Variants in HOXB7 observed in about 807,000 individuals in gnomAD.
The protein encoded by HOXB7 is homeobox B7, also known as homeobox protein Hox-B7.
Under a neutral mutation model 19.2 loss-of-function variants are expected in HOXB7, and 11 were observed. The observed-to-expected ratio is 0.57, with a 90% CI of 0.36 to 0.95. The LOEUF (loss-of-function observed/expected upper bound fraction) is 0.95. HOXB7 is among the 40% of genes least tolerant of loss of function. The probability of loss-of-function intolerance (pLI) is 0.01; values close to 1 mark genes in which losing one functional copy is unlikely to be tolerated. For missense variants in HOXB7, 318 were observed against 301.1 expected (o/e 1.06, Z -0.42); for synonymous variants, 141 against 130.2 (o/e 1.08, Z -0.56).
intron 1 of HOXB7, among the ~76,000 whole-genome samples, chr17:48,610,073 C>A (rs962538173): frequency 9.8e-3 from 1 of 102 alleles, no homozygotes; most frequent in Admixed American, 0.17. Flanking sequence ...CATACCTTAT[C>A]CGAGTGGGGC....
In HOXB7 at chr17:48,607,703, GT is replaced by G. The variant is rs373086048; in HGVS notation, c.*138del. On this transcript the variant is annotated 3_prime_UTR_variant, in exon 2 of 2. Coordinates refer to ENST00000239165, the MANE Select transcript of HOXB7 (RefSeq NM_004502.4). Reference sequence around the variant, plus strand: ...TTTAAACTCCTTTCATTTAAATAGGGTTTTTTTTTTGTTTTTTTTGTTTTTT... The same window carrying G: ...TTTAAACTCCTTTCATTTAAATAGGGTTTTTTTTTGTTTTTTTTGTTTTTT... 24,794 of 625,114 alleles carry G rather than the reference GT, an allele frequency of 0.04. 624 individuals are homozygous for G. Among genetic ancestry groups the G allele is most frequent in the Non-Finnish European group, 0.047 (19,304 of 411,114 alleles). 38.7% of individuals were successfully genotyped at this position (625,114 alleles called of 1,614,324 possible).
chr17:48,610,206 G>A (rs1297181393), intron 1 of HOXB7, among the ~76,000 whole-genome samples: 3 of 152,184 alleles, frequency 2.0e-5, no homozygotes, highest in African/African-American at 7.2e-5. Context: ...TCTCCAGCCC[G>A]TGCCGGCGCT....
At chr17:48,609,681 G>A (rs1224073195) in intron 1 of HOXB7, among the ~76,000 whole-genome samples, 6 of 152,176 alleles carry the variant, frequency 3.9e-5, no homozygotes, top group Non-Finnish European at 7.4e-5. Context: ...GCTCCAGAGA[G>A]TCCTAGCCCC....
intron 1 of HOXB7, 31 bp downstream of exon 1, chr17:48,610,488 G>A (rs1156893471): frequency 1.4e-6 from 2 of 1,399,660 alleles, no homozygotes; most frequent in Non-Finnish European, 9.3e-7. Flanking sequence ...CCGGCCCCTG[G>A]GGCTCAGGAC....
chr17:48,608,465 G>A (rs1390711370), intron 1 of HOXB7: 1 of 162,270 alleles, frequency 6.2e-6, no homozygotes, highest in Non-Finnish European at 1.3e-5. Flanking sequence ...CCAAGAGAGT[G>A]GCCACCTCCC....
intron 1 of HOXB7, among the ~76,000 whole-genome samples, chr17:48,609,622 G>A (rs551696159): frequency 6.6e-6 from 1 of 152,336 alleles, no homozygotes; most frequent in Non-Finnish European, 1.5e-5. Context: ...GCCTCTTGGG[G>A]TTCTGCAGCA....
Position 48,610,771 on chromosome 17 carries a change from A to C in HOXB7, c.148T>G (p.Ser50Ala). The C allele has an allele frequency of 6.3e-7, 1 of 1,599,380 alleles. No individual in the cohort carries two copies. Among genetic ancestry groups the C allele is most frequent in the Non-Finnish European group, 8.5e-7 (1 of 1,171,768 alleles). The change falls in exon 1 of 2, where the codon TCC (serine) becomes GCC (alanine). Residue 50 changes from serine (S) to alanine (A), a missense_variant. Transcript: ENST00000239165. ...RPGYGAGSGASFAASMQGLYP... is the reference protein window; with the variant it reads ...RPGYGAGSGAAFAASMQGLYP... ...AAGCCCTGCATCGAGGCGGCGAAGG[A>C]AGCGCCCGAACCCGCTCCATAGCCC...
Position 48,610,890 on chromosome 17 carries a change from A to G in HOXB7, c.29T>C (p.Leu10Ser). Residue 10 changes from leucine to serine, a missense_variant, in exon 1 of 2, where the codon TTA becomes TCA. Leu to Ser is a moderately radical substitution (Grantham distance 145). Coordinates refer to ENST00000239165, the MANE Select transcript of HOXB7 (RefSeq NM_004502.4). ...ACTTGAGGCTGGATATTTAGAAAAT[A>G]AAGTATTCGCATAATACAATGAACT... is the stretch of plus-strand genomic sequence containing the variant. MSSLYYANT[L>S]FSKYPASSSV... The G allele has an allele frequency of 6.6e-7, 1 of 1,518,390 alleles. No homozygotes were observed. Among genetic ancestry groups the G allele is most frequent in the Non-Finnish European group, 8.8e-7 (1 of 1,133,446 alleles). The allele number at this position is 1,518,390 out of a possible 1,614,324, so 94.1% of individuals were successfully genotyped here.
Position 48,607,295 on chromosome 17 carries a change from T to C in HOXB7, c.*547A>G, listed in dbSNP as rs1018668580. On this transcript the variant is annotated 3_prime_UTR_variant, in exon 2 of 2. Transcript: ENST00000239165. ...TACACACAGAATGTAAAAGGGAGCA[T>C]GGGGCTGGGGGACGGGAAGCAAGAA... The C allele has an allele frequency of 6.5e-6, 1 of 152,736 alleles. No individual in the cohort carries two copies. The highest frequency in any genetic ancestry group is 2.1e-4 in the South Asian group (1 of 4,844). The allele number at this position is 152,736 out of a possible 1,614,324, so 9.5% of individuals were successfully genotyped here. A position where few individuals can be genotyped will look rare whatever the true frequency, so the allele number is the denominator to read the frequency against.
rs1198020877 is a variant in HOXB7 at position 48,610,783 on chromosome 17, C to T, written c.136G>A (p.Gly46Ser). 6.3e-7 allele frequency: 1 copy of T among 1,599,028 alleles called. No homozygotes were observed. Among genetic ancestry groups the T allele is most frequent in the African/African-American group, 1.3e-5 (1 of 74,200 alleles). ...GAGGCGGCGAAGGAAGCGCCCGAACCCGCTCCATAGCCCGGGCGCTGGGGG... is the reference window on the plus strand; with the variant it reads ...GAGGCGGCGAAGGAAGCGCCCGAACTCGCTCCATAGCCCGGGCGCTGGGGG... ...SNPQRPGYGA[G>S]SGASFAASMQ... The change falls in exon 1 of 2, where the codon GGT becomes AGT. Residue 46 changes from glycine (G) to serine (S), a missense_variant. Physicochemically the swap from Gly to Ser is moderately conservative, Grantham distance 56. Transcript: ENST00000239165.
chr17:48,608,149 G>A, intron 1 of HOXB7, 54 bp from the exon 2 acceptor site: 1 of 1,575,592 alleles, frequency 6.3e-7, no homozygotes, highest in South Asian at 1.2e-5. Flanking sequence ...CCGGCCGGGC[G>A]CGGTGGGCTC....
In HOXB7 at chr17:48,607,953, G is replaced by C. The variant is rs1400883213; in HGVS notation, c.543C>G (p.Ile181Met). The C allele has an allele frequency of 2.5e-6, 4 of 1,614,074 alleles. No homozygotes were observed. Among genetic ancestry groups the C allele is most frequent in the Admixed American group, 1.7e-5 (1 of 60,024 alleles). Reference sequence around the variant, plus strand: ...TGCGCCGGTTCTGAAACCAAATCTTGATCTGTCTTTCCGTGAGGCAGAGCG... The same window carrying C: ...TGCGCCGGTTCTGAAACCAAATCTTCATCTGTCTTTCCGTGAGGCAGAGCG... ...AHTLCLTERQ[I>M]KIWFQNRRMK... The change falls in exon 2 of 2, where the codon ATC (isoleucine) becomes ATG (methionine). Residue 181 changes from isoleucine (I) to methionine (M), a missense_variant. Transcript: ENST00000239165.
rs995358324 is a variant in HOXB7, at chr17:48,610,655, G to A, written c.264C>T (p.His88=). The A allele has an allele frequency of 3.0e-5, 47 of 1,578,398 alleles. No homozygotes were observed. The highest frequency in any genetic ancestry group is 4.0e-5 in the Non-Finnish European group (47 of 1,161,988). The change falls in exon 1 of 2, where the codon CAC becomes CAT. Residue 88 remains histidine (H), a synonymous_variant. Transcript: ENST00000239165. ...YGLEPSSFNM[H]CAPFEQNLSG... is the part of the protein sequence containing the mutation. ...AGAGGTTCTGCTCAAAGGGCGCGCA[G>A]TGCATGTTGAAGGAACTCGGCTCGA...
At chr17:48,609,150 A>T (rs1428679626) in intron 1 of HOXB7, among the ~76,000 whole-genome samples, 1 of 152,182 alleles carries the variant, frequency 6.6e-6, no homozygotes, top group African/African-American at 2.4e-5. Context: ...GGGGAAAAGG[A>T]GAGACAGCAG....
In HOXB7 at chr17:48,610,739, G is replaced by T. The variant is rs34513708; in HGVS notation, c.180C>A (p.Pro60=). 6.2e-7 allele frequency: 1 copy of T among 1,601,708 alleles called. No individual in the cohort carries two copies. The highest frequency in any genetic ancestry group is 1.3e-5 in the African/African-American group (1 of 74,406). The part of the protein sequence containing the change: ...SFAASMQGLY[P]GGGGMAGQSA... ...TCTGGCCCGCCATGCCCCCCCCGCC[G>T]GGGTACAAGCCCTGCATCGAGGCGG... Residue 60 remains proline, a synonymous_variant, in exon 1 of 2, where the codon CCC becomes CCA. Coordinates refer to ENST00000239165, the MANE Select transcript of HOXB7 (RefSeq NM_004502.4).
intron 1 of HOXB7, chr17:48,608,409 G>A (rs1177625973): frequency 8.9e-6 from 1 of 112,274 alleles, no homozygotes; most frequent in African/African-American, 3.5e-5. Flanking sequence ...GGGCGACAAA[G>A]TGAGACTCCG....
chr17:48,610,178 G>A (rs936815824), intron 1 of HOXB7, among the ~76,000 whole-genome samples: 7 of 152,164 alleles, frequency 4.6e-5, no homozygotes, highest in African/African-American at 1.7e-4. Context: ...GCCTTCCTCC[G>A]CAAGACAAAC....
At chr17:48,608,904 G>A (rs1268234282) in intron 1 of HOXB7, among the ~76,000 whole-genome samples, 2 of 152,246 alleles carry the variant, frequency 1.3e-5, no homozygotes, top group African/African-American at 4.8e-5. Flanking sequence ...AAGAAAAGGA[G>A]ACAAAGGGGC....
chr17:48,608,432 A>AAG (rs2070611584), intron 1 of HOXB7: 1 of 167,420 alleles, frequency 6.0e-6, no homozygotes, highest in Non-Finnish European at 1.3e-5. Flanking sequence ...TCAAAAAAAA[A>AAG]AAAAAAAAAA....
Sources: gnomAD v4.1 joint callset for allele counts (sites outside exome capture counted in the v4.1 genomes callset) on GRCh38, gnomAD v4.1.1 for gene constraint, MANE v1.5 for transcripts, NCBI Gene and HGNC (gene_info 2026-07-23, HGNC 2026-07-21) for gene names.